MTF2: variants seen among roughly 807,000 people sequenced by gnomAD.
MTF2 encodes metal-response element-binding transcription factor 2.
A neutral mutation model predicts 79.5 loss-of-function variants in MTF2; 11 were observed. The observed-to-expected ratio is 0.14, with a 90% confidence interval of 0.09 to 0.23. The LOEUF (loss-of-function observed/expected upper bound fraction) is 0.23. MTF2 is among the 10% of genes least tolerant of loss of function. MTF2 has a pLI of 1.00. For missense variants in MTF2, 486 were observed against 711.2 expected, an observed-to-expected ratio of 0.68 and a Z score of 3.60; for synonymous variants, 208 against 232.8, an observed-to-expected ratio of 0.89 and a Z score of 0.97.
chr1:93,101,250 G>A (rs1199968628), intron 1 of MTF2, among the ~76,000 whole-genome samples: 2 of 151,996 alleles, frequency 1.3e-5, no homozygotes, highest in African/African-American at 4.8e-5. Flanking sequence ...ATTTGTCCAG[G>A]CAATCTCTTT....
rs1261724697 is a variant in MTF2, at chr1:93,137,069, G to A, written c.*42G>A. 3.3e-6 allele frequency: 5 copies of A among 1,524,294 alleles called. No individual in the cohort carries two copies. Among genetic ancestry groups the A allele is most frequent in the South Asian group, 1.1e-5 (1 of 87,002 alleles). 94.4% of individuals were successfully genotyped at this position (1,524,294 alleles called of 1,614,324 possible). A position where few individuals can be genotyped will look rare whatever the true frequency, so the allele number is the denominator to read the frequency against. On this transcript the variant is annotated 3_prime_UTR_variant, in exon 15 of 15. Coordinates refer to ENST00000370298, the MANE Select transcript of MTF2 (RefSeq NM_007358.4). ...TATGTTCACTGCACTCTGATTTTCT[G>A]TAGGTACAGTTCAAAGCCCTAAAGG...
At chr1:93,085,838 A>G (rs1654813496) in intron 1 of MTF2, among the ~76,000 whole-genome samples, 1 of 152,116 alleles carries the variant, frequency 6.6e-6, no homozygotes, top group African/African-American at 2.4e-5. Context: ...GCAGAACTTG[A>G]GTATCTGTGG....
At chr1:93,113,051 A>G (rs1284804667) in intron 3 of MTF2, among the ~76,000 whole-genome samples, 3 of 152,156 alleles carry the variant, frequency 2.0e-5, no homozygotes, top group Non-Finnish European at 2.9e-5. Context: ...CCATAAACCC[A>G]GAAGCTATGG....
At chr1:93,080,434 A>G (rs1340334134) in intron 1 of MTF2, among the ~76,000 whole-genome samples, 1 of 152,214 alleles carries the variant, frequency 6.6e-6, no homozygotes, top group African/African-American at 2.4e-5. Flanking sequence ...TAATCTGACT[A>G]ACAGCAAGGG....
At chr1:93,081,480 T>A (rs1172604103) in intron 1 of MTF2, among the ~76,000 whole-genome samples, 1 of 152,234 alleles carries the variant, frequency 6.6e-6, no homozygotes, top group African/African-American at 2.4e-5. Context: ...GCTTGATGGT[T>A]CTGAAAGTAA....
In MTF2 at chr1:93,136,844, G is replaced by T; in HGVS notation, c.1599G>T (p.Glu533Asp). Residue 533 changes from glutamate (E) to aspartate (D), a missense_variant, in exon 15 of 15, where the codon GAG becomes GAT. Physicochemically the swap from Glu to Asp is conservative, Grantham distance 45. Coordinates refer to ENST00000370298, the MANE Select transcript of MTF2 (RefSeq NM_007358.4). ...EDYQFDELNT[E>D]ILNNLADQEL... is the part of the protein sequence containing the mutation. The stretch of plus-strand genomic sequence containing the variant: ...ATCAGTTTGATGAACTCAACACAGA[G>T]ATTCTGAATAACTTAGCAGATCAGG... 2 of 1,614,186 alleles carry T rather than the reference G, an allele frequency of 1.2e-6. No individual in the cohort carries two copies. Among genetic ancestry groups the T allele is most frequent in the Non-Finnish European group, 1.7e-6 (2 of 1,180,032 alleles).
chr1:93,099,211 A>G (rs1655423853), intron 1 of MTF2, among the ~76,000 whole-genome samples: 1 of 152,192 alleles, frequency 6.6e-6, no homozygotes, highest in African/African-American at 2.4e-5. Context: ...AAGAGATCCC[A>G]TGTGGATTTA....
intron 1 of MTF2, among the ~76,000 whole-genome samples, chr1:93,090,896 C>G (rs1655048387): frequency 6.6e-6 from 1 of 152,098 alleles, no homozygotes; most frequent in South Asian, 2.1e-4. Context: ...ATCTCCTGAC[C>G]TCATGATCCG....
At chr1:93,114,374 G>GC (rs1656162844) in intron 3 of MTF2, among the ~76,000 whole-genome samples, 1 of 152,100 alleles carries the variant, frequency 6.6e-6, no homozygotes, top group Non-Finnish European at 1.5e-5. Context: ...ATCTGCTGTC[G>GC]CCCATCCCTC....
At position 93,133,815 on chromosome 1, in the gene MTF2, G is replaced by A. The variant is rs750888144; in HGVS notation, c.1266+7G>A. On this transcript the variant is annotated splice_region_variant and intron_variant, in intron 12 of 14. Transcript: ENST00000370298. ...AACTGCTGAGCCACTTTTGGTAAGA[G>A]GATATGTTGGTATATGTTCTCAAGA... 4 of 1,588,428 alleles carry A rather than the reference G, an allele frequency of 2.5e-6. No homozygotes were observed. The South Asian group carries it at 3.3e-5, about 13-fold the overall frequency.
intron 9 of MTF2, among the ~76,000 whole-genome samples, chr1:93,123,483 T>A (rs1262967621): frequency 6.6e-6 from 1 of 152,078 alleles, no homozygotes; most frequent in East Asian, 1.9e-4. Context: ...AATGTGGAGT[T>A]TCCTTCCTCT....
At chr1:93,121,826 G>T in intron 9 of MTF2, 1 of 737,720 alleles carries the variant, frequency 1.4e-6, no homozygotes, top group East Asian at 1.3e-4. Context: ...TTTGGAGACG[G>T]AGTCTTGCTC....
intron 9 of MTF2, among the ~76,000 whole-genome samples, chr1:93,123,001 A>G (rs58770710): frequency 0.09 from 13,630 of 152,154 alleles, 2,002 homozygotes; most frequent in African/African-American, 0.31. Context: ...AATTTTTGAT[A>G]AACTAAAAAT....
intron 6 of MTF2, among the ~76,000 whole-genome samples, chr1:93,117,728 G>A (rs1656305094): frequency 6.6e-6 from 1 of 152,090 alleles, no homozygotes; most frequent in African/African-American, 2.4e-5. Flanking sequence ...GAGAGTTGAT[G>A]TGAAAAAAAG....
intron 1 of MTF2, among the ~76,000 whole-genome samples, chr1:93,086,006 C>T (rs1557539498): frequency 6.6e-6 from 1 of 152,152 alleles, no homozygotes; most frequent in Admixed American, 6.5e-5. Flanking sequence ...ACTGGCAGTG[C>T]AGTAGGTTTG....
At chr1:93,105,337 TC>T (rs1655727867) in intron 1 of MTF2, among the ~76,000 whole-genome samples, 1 of 152,058 alleles carries the variant, frequency 6.6e-6, no homozygotes, top group African/African-American at 2.4e-5. Flanking sequence ...GCACAAAGAA[TC>T]AAGAGAATTT....
At chr1:93,099,918 A>G (rs1655457108) in intron 1 of MTF2, among the ~76,000 whole-genome samples, 1 of 152,250 alleles carries the variant, frequency 6.6e-6, no homozygotes, top group East Asian at 1.9e-4. Flanking sequence ...AGGGCATACC[A>G]CTTATCTTTG....
At chr1:93,115,127 T>C (rs1349059912) in intron 5 of MTF2, 39 bp downstream of exon 5, 1 of 1,407,824 alleles carries the variant, frequency 7.1e-7, no homozygotes, top group Non-Finnish European at 1.0e-6. Context: ...TCTGATGGAA[T>C]TTGTAAGACA....
chr1:93,124,020 T>C (rs887978792), intron 9 of MTF2, among the ~76,000 whole-genome samples: 1 of 152,062 alleles, frequency 6.6e-6, no homozygotes, highest in Non-Finnish European at 1.5e-5. Flanking sequence ...GGAGATAATA[T>C]CCTGTCATAC....
Sources: gnomAD v4.1 joint callset for allele counts (sites outside exome capture counted in the v4.1 genomes callset) on GRCh38, gnomAD v4.1.1 for gene constraint, MANE v1.5 for transcripts, NCBI Gene and HGNC (gene_info 2026-07-23, HGNC 2026-07-21) for gene names.